SAMD11: variants seen among roughly 807,000 people sequenced by gnomAD.
SAMD11 encodes sterile alpha motif domain-containing protein 11.
Under a neutral mutation model 64.4 loss-of-function variants are expected in SAMD11, and 77 were observed. That is an observed-to-expected ratio of 1.20 (90% CI 0.99 to 1.44). The LOEUF (loss-of-function observed/expected upper bound fraction) is 1.44. Among genes scored for constraint, SAMD11 ranks in the 40% most tolerant of loss-of-function variants. The pLI is 0.00. For missense variants in SAMD11, 1,402 were observed against 943.3 expected (o/e 1.49, Z -6.37); for synonymous variants, 658 against 421.9 (o/e 1.56, Z -6.86).
chr1:941,634 C>T (rs1017317097), intron 8 of SAMD11, among the ~76,000 whole-genome samples: 2 of 151,996 alleles, frequency 1.3e-5, no homozygotes, highest in Non-Finnish European at 2.9e-5. Flanking sequence ...TCCTGGCTGG[C>T]GCTCAAATGT....
At chr1:935,981 G>A (rs1179887737) in intron 5 of SAMD11, 85 bp downstream of exon 5, 1 of 1,439,160 alleles carries the variant, frequency 6.9e-7, no homozygotes, top group Non-Finnish European at 9.5e-7. Context: ...CAGCAGCCTT[G>A]GCAGGCAGCC....
At chr1:931,007 G>A (rs373362387) in intron 3 of SAMD11, 32 bp from the exon 4 acceptor site, 5 of 1,608,796 alleles carry the variant, frequency 3.1e-6, no homozygotes, top group African/African-American at 1.3e-5. Flanking sequence ...GGCCTCCAGA[G>A]CAACATGGAC....
At chr1:943,523 CACCTTT>C (rs1202037035) in intron 12 of SAMD11, 146 bp downstream of exon 12, 313 of 872,238 alleles carry the variant, frequency 3.6e-4, no homozygotes, top group Middle Eastern at 7.2e-4. Context: ...CTGTGCACCC[CACCTTT>C]TTTTTTTTTT....
intron 2 of SAMD11, among the ~76,000 whole-genome samples, chr1:926,622 A>G (rs1276102367): frequency 6.6e-6 from 1 of 152,168 alleles, no homozygotes; most frequent in Non-Finnish European, 1.5e-5. Context: ...AACCCAGGGT[A>G]GACAGCTATG....
Position 935,864 on chromosome 1 carries a change from G to A in SAMD11, c.935G>A (p.Arg312Lys), listed in dbSNP as rs138268010. The A allele has an allele frequency of 8.7e-6, 14 of 1,612,984 alleles. No homozygotes were observed. Among genetic ancestry groups the A allele is most frequent in the African/African-American group, 2.7e-5 (2 of 74,934 alleles). Residue 312 changes from arginine to lysine, a missense_variant, in exon 5 of 14, where the codon AGA becomes AAA. Physicochemically the swap from Arg to Lys is conservative, Grantham distance 26. Transcript: ENST00000616016. ...PEHQSRCEFQ[R>K]GSLEIGLRPA... The stretch of plus-strand genomic sequence containing the variant: ...CATCAGAGCCGCTGTGAATTCCAGA[G>A]AGGCAGCCTGGAGATTGGCCTGCGA...
At chr1:943,184 A>G (rs1017304013) in intron 11 of SAMD11, 69 bp from the exon 12 acceptor site, 19 of 1,606,016 alleles carry the variant, frequency 1.2e-5, no homozygotes, top group Non-Finnish European at 1.4e-5. Flanking sequence ...ATTGGGGCAC[A>G]CGACGGTCAG....
In SAMD11 at chr1:924,807, C is replaced by T. The variant is rs1200965437; in HGVS notation, c.376C>T (p.Leu126=). The T allele has an allele frequency of 1.3e-5, 2 of 152,214 alleles. No individual in the cohort carries two copies. The highest frequency in any genetic ancestry group is 4.8e-5 in the African/African-American group (2 of 41,460). The allele number at this position is 152,214 out of a possible 1,614,324, so 9.4% of individuals were successfully genotyped here. A position where few individuals can be genotyped will look rare whatever the true frequency, so the allele number is the denominator to read the frequency against. The stretch of plus-strand genomic sequence containing the variant: ...GGTGGAGTGCGGCGCCAACCGCGCG[C>T]TGCTCTACGTGCGCAAACTCTGCCA... ...IEVECGANRA[L]LYVRKLCQGS... Residue 126 remains leucine (L), a synonymous_variant, in exon 1 of 14, where the codon CTG becomes TTG. Coordinates refer to ENST00000616016, the MANE Select transcript of SAMD11 (RefSeq NM_001385641.1).
Position 941,185 on chromosome 1 carries a change from A to T in SAMD11, c.1237A>T (p.Arg413Trp), listed in dbSNP as rs997923152. 1.2e-6 allele frequency: 2 copies of T among 1,602,122 alleles called. No homozygotes were observed. Among genetic ancestry groups the T allele is most frequent in the Non-Finnish European group, 1.7e-6 (2 of 1,175,362 alleles). ...GCAGGAGGTGGCGGCTGCAGCTCTG[A>T]GGGGCCCCAGTGGCCTGGAAGCCCA... ...VRQEVAAAAL[R>W]GPSGLEAHLP... is the part of the protein sequence containing the mutation. Residue 413 changes from arginine to tryptophan, a missense_variant, in exon 8 of 14, where the codon AGG (arginine) becomes TGG (tryptophan). Physicochemically the swap from Arg to Trp is moderately radical, Grantham distance 101 (BLOSUM62 -3). Coordinates refer to ENST00000616016, the MANE Select transcript of SAMD11 (RefSeq NM_001385641.1).
At chr1:935,495 G>T (rs1641385050) in intron 4 of SAMD11, among the ~76,000 whole-genome samples, 1 of 152,204 alleles carries the variant, frequency 6.6e-6, no homozygotes, top group Non-Finnish European at 1.5e-5. Flanking sequence ...TGGAGGGCGT[G>T]AAGGCAGAGC....
In SAMD11 at chr1:930,278, G is replaced by T; in HGVS notation, c.733G>T (p.Gly245Trp). ...CAGCGACGGGAGTGGCCCCACCTGT[G>T]GGCGGCGGCCAGGCTTGAAGCAGGA... ...GDSDGSGPTC[G>W]RRPGLKQEDG... Residue 245 changes from glycine (G) to tryptophan (W), a missense_variant, in exon 3 of 14, where the codon GGG becomes TGG. Physicochemically the swap from Gly to Trp is radical, Grantham distance 184. Coordinates refer to ENST00000616016, the MANE Select transcript of SAMD11 (RefSeq NM_001385641.1). 1 of 1,608,896 alleles carries T rather than the reference G, an allele frequency of 6.2e-7. No individual in the cohort carries two copies. Among genetic ancestry groups the T allele is most frequent in the Non-Finnish European group, 8.5e-7 (1 of 1,178,144 alleles).
Position 943,626 on chromosome 1 carries a change from T to G in SAMD11, c.2179-72T>G. 3 of 1,415,090 alleles carry G rather than the reference T, an allele frequency of 2.1e-6. No homozygotes were observed. The East Asian group carries it at 7.7e-5, about 36-fold the overall frequency. 87.7% of individuals were successfully genotyped at this position (1,415,090 alleles called of 1,614,324 possible). On this transcript the variant is annotated intron_variant, in intron 12 of 13. Coordinates refer to ENST00000616016, the MANE Select transcript of SAMD11 (RefSeq NM_001385641.1). ...AATTTCCGTGAGCTGCACAAACAGC[T>G]CCTCTTGGCTCTGCTGGGCTGGAGG... is the stretch of plus-strand genomic sequence containing the variant.
intron 12 of SAMD11, 44 bp from the exon 13 acceptor site, chr1:943,654 G>A (rs753219353): frequency 3.4e-6 from 5 of 1,479,090 alleles, no homozygotes; most frequent in Non-Finnish European, 4.5e-6. Flanking sequence ...GCTGGAGGAT[G>A]GAGCAGCACC....
At chr1:936,008 C>T (rs1337080938) in intron 5 of SAMD11, 112 bp downstream of exon 5, 5 of 1,144,838 alleles carry the variant, frequency 4.4e-6, no homozygotes, top group African/African-American at 1.5e-5. Flanking sequence ...GCAGGAGGAG[C>T]GGCCTGTCCC....
Position 943,162 on chromosome 1 carries a change from C to G in SAMD11, c.2054-91C>G. The G allele has an allele frequency of 3.1e-6, 5 of 1,595,812 alleles. No homozygotes were observed. The South Asian group carries it at 5.7e-5, about 18-fold the overall frequency. On this transcript the variant is annotated intron_variant, in intron 11 of 13. Transcript: ENST00000616016. ...AAAAATTCCCCTTAGGCACCCATCC[C>G]CCACCTCAGCAATTGGGGCACACGA...
At chr1:929,162 C>T (rs990960065) in intron 2 of SAMD11, among the ~76,000 whole-genome samples, 11 of 152,244 alleles carry the variant, frequency 7.2e-5, no homozygotes, top group Non-Finnish European at 1.6e-4. Context: ...GTGCCTGGGG[C>T]TGGGCCGGCG....
intron 7 of SAMD11, 177 bp downstream of exon 7, chr1:939,589 G>A: frequency 1.7e-6 from 2 of 1,197,716 alleles, no homozygotes; most frequent in Non-Finnish European, 2.3e-6. Flanking sequence ...CACACGTCCT[G>A]CCCCATGCCC....
chr1:944,331 A>AG lies in SAMD11; in HGVS notation c.*179dup. ...TTCAAAGACTTGGGGGAGTGAAGGC[A>AG]GAGCCTGGTGCAGATGGACGAGGTC... On this transcript the variant is annotated 3_prime_UTR_variant, in exon 14 of 14. Transcript: ENST00000616016. 1 of 1,384,822 alleles carries AG rather than the reference A, an allele frequency of 7.2e-7. No individual in the cohort carries two copies. Among genetic ancestry groups the AG allele is most frequent in the Non-Finnish European group, 9.3e-7 (1 of 1,076,824 alleles). 85.8% of individuals were successfully genotyped at this position (1,384,822 alleles called of 1,614,324 possible).
At chr1:937,396 GC>G (rs5772023) in intron 5 of SAMD11, among the ~76,000 whole-genome samples, 1,744 of 134,628 alleles carry the variant, frequency 0.013, 13 homozygotes, top group African/African-American at 0.022. Context: ...CCTTCCACCT[GC>G]CCCCCCCCCC....
chr1:942,324 C>G, intron 9 of SAMD11, 73 bp downstream of exon 9: 3 of 1,088,576 alleles, frequency 2.8e-6, no homozygotes, highest in Non-Finnish European at 3.7e-6. Context: ...CCTGTCGGAG[C>G]CGAGACGGAC....
Sources: allele counts gnomAD v4.1 joint callset (sites outside exome capture counted in the v4.1 genomes callset), GRCh38; gene constraint gnomAD v4.1.1; transcripts MANE v1.5; gene names NCBI Gene and HGNC (gene_info 2026-07-23, HGNC 2026-07-21).